NOL4: variants seen among roughly 807,000 people sequenced by gnomAD.
NOL4 encodes the protein cancer/testis antigen 125.
Under a neutral mutation model 75.9 loss-of-function variants are expected in NOL4, and 17 were observed. The ratio of observed to expected loss-of-function variants is 0.22; its 90% CI spans 0.15 to 0.34. The LOEUF is 0.34. Among genes scored for constraint, NOL4 ranks in the 10% least tolerant of loss-of-function variants. NOL4 has a pLI of 1.00. For synonymous variants in NOL4, 292 were observed against 289.9 expected, an observed-to-expected ratio of 1.01 and a Z score of -0.07; for missense variants, 614 against 793.5, an observed-to-expected ratio of 0.77 and a Z score of 2.72.
intron 5 of NOL4, among the ~76,000 whole-genome samples, chr18:34,076,552 A>T (rs1164023192): frequency 6.6e-6 from 1 of 152,180 alleles, no homozygotes; most frequent in Non-Finnish European, 1.5e-5. Flanking sequence ...GACTGTTCAA[A>T]GTACTGCAGT....
At chr18:34,127,732 A>G (rs976057004) in intron 2 of NOL4, among the ~76,000 whole-genome samples, 29 of 151,894 alleles carry the variant, frequency 1.9e-4, no homozygotes, top group African/African-American at 7.0e-4. Context: ...TGGCATTGCA[A>G]GCAGTTCTAT....
chr18:33,893,687 A>G (rs1045094464), intron 9 of NOL4, among the ~76,000 whole-genome samples: 1 of 152,154 alleles, frequency 6.6e-6, no homozygotes, highest in African/African-American at 2.4e-5. Flanking sequence ...AACTTCAATA[A>G]AATTACTGCT....
At chr18:34,049,074 GCACACACA>G (rs1163959249) in intron 5 of NOL4, among the ~76,000 whole-genome samples, 901 of 64,756 alleles carry the variant, frequency 0.014, 15 homozygotes, top group African/African-American at 0.032. Flanking sequence ...ACAGGCGCGC[GCACACACA>G]CACACACACA....
chr18:33,925,483 C>A (rs1392802135), intron 9 of NOL4, among the ~76,000 whole-genome samples: 4 of 152,118 alleles, frequency 2.6e-5, no homozygotes, highest in Non-Finnish European at 4.4e-5. Context: ...TACAGAGACT[C>A]AAAAAATCCT....
rs1400979425 is a variant in NOL4 at position 34,223,061 on chromosome 18, C to G, written c.193G>C (p.Gly65Arg). The G allele has an allele frequency of 6.2e-7, 1 of 1,614,064 alleles. No homozygotes were observed. The highest frequency in any genetic ancestry group is 8.5e-7 in the Non-Finnish European group (1 of 1,180,052). Residue 65 changes from glycine (G) to arginine (R), a missense_variant, in exon 1 of 11, where the codon GGC (glycine) becomes CGC (arginine). Around this residue, in one of 9 missense-constraint regions of NOL4, gnomAD observed 4 missense variants for 18.8 expected, o/e 0.21. Coordinates refer to ENST00000261592, the MANE Select transcript of NOL4 (RefSeq NM_003787.5). ...CCCCCGCGGACCTCGTCCGGCTGGCCCAGCTGGAAGCCCTTCGATTTGACC... is the reference window on the plus strand; with the variant it reads ...CCCCCGCGGACCTCGTCCGGCTGGCGCAGCTGGAAGCCCTTCGATTTGACC... ...FWVKSKGFQL[G>R]QPDEVRGGGG... is the part of the protein sequence containing the mutation.
chr18:33,949,400 T>C (rs1213330543), intron 8 of NOL4, among the ~76,000 whole-genome samples: 3 of 151,996 alleles, frequency 2.0e-5, no homozygotes, highest in Admixed American at 6.6e-5. Flanking sequence ...ATAATCCAAA[T>C]AGGGCCAAGC....
intron 6 of NOL4, among the ~76,000 whole-genome samples, chr18:34,013,607 T>C (rs1378689779): frequency 1.3e-5 from 2 of 151,966 alleles, no homozygotes; most frequent in African/African-American, 4.8e-5. Context: ...TGTTCATCAA[T>C]GTTCCTCTGT....
At chr18:33,872,208 C>T (rs2063732060) in intron 10 of NOL4, among the ~76,000 whole-genome samples, 1 of 151,934 alleles carries the variant, frequency 6.6e-6, no homozygotes. Flanking sequence ...AGCTTGCTTT[C>T]CTTAAACATT....
At chr18:34,179,404 C>T (rs1421315671) in intron 1 of NOL4, among the ~76,000 whole-genome samples, 1 of 150,730 alleles carries the variant, frequency 6.6e-6, no homozygotes, top group South Asian at 2.1e-4. Context: ...AGAGAATAAT[C>T]AATAAGACCG....
intron 6 of NOL4, among the ~76,000 whole-genome samples, chr18:33,980,814 A>G (rs1273840744): frequency 6.6e-6 from 1 of 152,048 alleles, no homozygotes; most frequent in South Asian, 2.1e-4. Context: ...AAGCACACTA[A>G]AAGGCCAAAA....
At chr18:33,956,903 G>A in intron 8 of NOL4, among the ~76,000 whole-genome samples, 1 of 152,086 alleles carries the variant, frequency 6.6e-6, no homozygotes. Context: ...AGATCCATCT[G>A]TTTCCTTTTG....
At chr18:33,952,785 G>A (rs1425656208) in intron 8 of NOL4, among the ~76,000 whole-genome samples, 1 of 152,112 alleles carries the variant, frequency 6.6e-6, no homozygotes, top group Non-Finnish European at 1.5e-5. Flanking sequence ...GTAGCCAGGT[G>A]TTTTGGTGCA....
chr18:33,919,241 A>G (rs964000041), intron 9 of NOL4, among the ~76,000 whole-genome samples: 1 of 152,180 alleles, frequency 6.6e-6, no homozygotes, highest in African/African-American at 2.4e-5. Flanking sequence ...AAGCATCCAC[A>G]GCATTTTTTA....
At chr18:34,205,981 T>C (rs1434356614) in intron 1 of NOL4, among the ~76,000 whole-genome samples, 1 of 152,224 alleles carries the variant, frequency 6.6e-6, no homozygotes, top group Admixed American at 6.5e-5. Context: ...TGTATTGCCA[T>C]AAATTTTCCT....
chr18:34,047,556 T>C (rs2076437027), intron 5 of NOL4, among the ~76,000 whole-genome samples: 1 of 152,172 alleles, frequency 6.6e-6, no homozygotes, highest in African/African-American at 2.4e-5. Context: ...ATGTAAAATC[T>C]ACATAGTTTT....
At chr18:34,090,414 T>A (rs1600546779) in intron 5 of NOL4, among the ~76,000 whole-genome samples, 1 of 152,214 alleles carries the variant, frequency 6.6e-6, no homozygotes, top group African/African-American at 2.4e-5. Context: ...CTCTGAAGAA[T>A]GTTAACAATT....
chr18:34,146,788 G>C (rs1356854159), intron 1 of NOL4, among the ~76,000 whole-genome samples: 1 of 150,934 alleles, frequency 6.6e-6, no homozygotes, highest in Non-Finnish European at 1.5e-5. Flanking sequence ...GGATAGCATT[G>C]AATCTATAAA....
intron 5 of NOL4, among the ~76,000 whole-genome samples, chr18:34,020,822 T>C (rs8098478): frequency 0.14 from 20,773 of 152,128 alleles, 1,503 homozygotes; most frequent in Middle Eastern, 0.23. Flanking sequence ...TTTTATCTTA[T>C]ATGATAAAAA....
At chr18:34,103,982 T>C in intron 4 of NOL4, 65 bp downstream of exon 4, 3 of 1,027,434 alleles carry the variant, frequency 2.9e-6, no homozygotes, top group East Asian at 4.8e-5. Context: ...CTTAATATGA[T>C]AGTCATGGTT....
Sources: allele counts gnomAD v4.1 joint callset (sites outside exome capture counted in the v4.1 genomes callset), GRCh38; gene constraint gnomAD v4.1.1; regional missense constraint gnomAD v4.1.1; transcripts MANE v1.5; gene names NCBI Gene and HGNC (gene_info 2026-07-23, HGNC 2026-07-21).